The following PRKG2 variants were observed in gnomAD, a reference collection of about 807,000 sequenced individuals.
PRKG2 encodes cGMP-dependent protein kinase 2.
Under a neutral mutation model 97.2 loss-of-function variants are expected in PRKG2, and 33 were observed. That is an observed-to-expected ratio of 0.34 (90% confidence interval 0.26 to 0.45). The LOEUF (loss-of-function observed/expected upper bound fraction) is 0.45, where lower values mean the gene tolerates loss of function less well. PRKG2 is among the 20% of genes least tolerant of loss of function. The probability of loss-of-function intolerance (pLI) is 1.00; values close to 1 mark genes in which losing one functional copy is unlikely to be tolerated. For synonymous variants in PRKG2, 330 were observed against 321.8 expected, an observed-to-expected ratio of 1.03 and a Z score of -0.27; for missense variants, 638 against 900.0, an observed-to-expected ratio of 0.71 and a Z score of 3.73.
chr4:81,143,060 T>A, intron 10 of PRKG2, 113 bp from the exon 11 acceptor site: 1 of 1,339,602 alleles, frequency 7.5e-7, no homozygotes. Flanking sequence ...CTATGATTTA[T>A]AGTTGCCACA....
intron 2 of PRKG2, among the ~76,000 whole-genome samples, chr4:81,176,496 T>C (rs1750942562): frequency 6.6e-6 from 1 of 152,182 alleles, no homozygotes; most frequent in African/African-American, 2.4e-5. Flanking sequence ...CTTTGCTAGG[T>C]AATTCTCTTA....
At chr4:81,101,219 T>C (rs2109961381) in intron 17 of PRKG2, among the ~76,000 whole-genome samples, 1 of 152,170 alleles carries the variant, frequency 6.6e-6, no homozygotes, top group South Asian at 2.1e-4. Flanking sequence ...TTACTGGGTA[T>C]ATACCCAAAG....
At chr4:81,209,395 G>T (rs2120301) in intron 1 of PRKG2, among the ~76,000 whole-genome samples, 26,473 of 151,928 alleles carry the variant, frequency 0.17, 2,751 homozygotes, top group Non-Finnish European at 0.22. Flanking sequence ...CACATATATA[G>T]ATGTGTGTGT....
chr4:81,150,366 A>C (rs987535227), intron 8 of PRKG2, among the ~76,000 whole-genome samples: 12 of 152,178 alleles, frequency 7.9e-5, no homozygotes, highest in Non-Finnish European at 1.0e-4. Flanking sequence ...TTTGCACATA[A>C]AATTCTGAAA....
chr4:81,159,033 T>C (rs922345931), intron 6 of PRKG2, among the ~76,000 whole-genome samples: 1 of 151,974 alleles, frequency 6.6e-6, no homozygotes, highest in African/African-American at 2.4e-5. Context: ...GCATTACCAT[T>C]CGGGACATAG....
chr4:81,200,492 A>G (rs1014480472), intron 2 of PRKG2, among the ~76,000 whole-genome samples: 2 of 152,138 alleles, frequency 1.3e-5, no homozygotes, highest in African/African-American at 4.8e-5. Flanking sequence ...CTATCAATCA[A>G]TGGGGCACAC....
intron 6 of PRKG2, among the ~76,000 whole-genome samples, chr4:81,161,816 G>A (rs916839128): frequency 6.6e-6 from 1 of 151,964 alleles, no homozygotes; most frequent in African/African-American, 2.4e-5. Flanking sequence ...CATTCACCTA[G>A]CCAATTAATG....
At chr4:81,154,999 C>T (rs1174814929) in intron 6 of PRKG2, among the ~76,000 whole-genome samples, 1 of 151,696 alleles carries the variant, frequency 6.6e-6, no homozygotes, top group African/African-American at 2.4e-5. Flanking sequence ...ACGGTGAAAC[C>T]CCGTCTCTAC....
intron 6 of PRKG2, among the ~76,000 whole-genome samples, chr4:81,158,707 G>A (rs988880923): frequency 6.6e-6 from 1 of 152,090 alleles, no homozygotes; most frequent in African/African-American, 2.4e-5. Flanking sequence ...ATACTACAAG[G>A]CTATAGTAAC....
chr4:81,149,632 C>T (rs919023624), intron 8 of PRKG2, among the ~76,000 whole-genome samples: 1 of 151,952 alleles, frequency 6.6e-6, no homozygotes, highest in African/African-American at 2.4e-5. Context: ...CTAATGAATG[C>T]CAGTGGGTAT....
intron 8 of PRKG2, 150 bp downstream of exon 8, chr4:81,151,809 AT>A (rs1748429997): frequency 3.2e-6 from 2 of 620,206 alleles, no homozygotes; most frequent in African/African-American, 3.8e-5. Flanking sequence ...CATTTCCCGC[AT>A]AAAAATTTAA....
intron 13 of PRKG2, among the ~76,000 whole-genome samples, chr4:81,136,953 T>C (rs978509586): frequency 2.0e-5 from 3 of 152,158 alleles, no homozygotes; most frequent in African/African-American, 7.2e-5. Flanking sequence ...TTAGTAAATA[T>C]CTATGATTTT....
At position 81,167,218 on chromosome 4, in the gene PRKG2, G is replaced by A; in HGVS notation, c.855C>T (p.Ser285=). The change falls in exon 6 of 19, where the codon TCC becomes TCT. Residue 285 remains serine (S), a synonymous_variant. Coordinates refer to ENST00000264399, the MANE Select transcript of PRKG2 (RefSeq NM_006259.3). ...TATCTTCAGGTAAATTCTTCAGCAA[G>A]GATACACTTCAAAATTAAAAAGAAA... ...EQYRNFLRSV[S]LLKNLPEDKL... 6.3e-7 allele frequency: 1 copy of A among 1,585,610 alleles called. No individual in the cohort carries two copies. Among genetic ancestry groups the A allele is most frequent in the East Asian group, 2.3e-5 (1 of 44,338 alleles).
intron 17 of PRKG2, among the ~76,000 whole-genome samples, chr4:81,098,367 T>A (rs1742343197): frequency 6.6e-6 from 1 of 152,124 alleles, no homozygotes; most frequent in Non-Finnish European, 1.5e-5. Flanking sequence ...GTTCTATACC[T>A]CTATAGAACC....
At chr4:81,140,463 A>G in intron 12 of PRKG2, 70 bp downstream of exon 12, 1 of 1,306,582 alleles carries the variant, frequency 7.7e-7, no homozygotes, top group Non-Finnish European at 1.0e-6. Flanking sequence ...AAAAATAAAA[A>G]TAATTTAAGT....
intron 12 of PRKG2, among the ~76,000 whole-genome samples, chr4:81,137,752 T>G (rs867270967): frequency 7.2e-5 from 11 of 152,218 alleles, no homozygotes; most frequent in South Asian, 2.1e-4. Flanking sequence ...TATCCATTCT[T>G]CAGGGCCAAC....
At chr4:81,154,048 C>T in intron 6 of PRKG2, 1 of 172,028 alleles carries the variant, frequency 5.8e-6, no homozygotes, top group South Asian at 1.1e-4. Flanking sequence ...CCGAATATCG[C>T]GCTTTTGGGA....
At chr4:81,159,779 A>G (rs1471659459) in intron 6 of PRKG2, among the ~76,000 whole-genome samples, 5 of 152,008 alleles carry the variant, frequency 3.3e-5, no homozygotes, top group African/African-American at 1.2e-4. Flanking sequence ...CTATGCAGCC[A>G]TAAAAAATGA....
At chr4:81,183,868 A>T (rs779392104) in intron 2 of PRKG2, among the ~76,000 whole-genome samples, 130 of 152,204 alleles carry the variant, frequency 8.5e-4, no homozygotes, top group Non-Finnish European at 1.4e-3. Flanking sequence ...AGTGAAAACA[A>T]AGCTGCAGGG....
Sources: gnomAD v4.1 joint callset for allele counts (sites outside exome capture counted in the v4.1 genomes callset) on GRCh38, gnomAD v4.1.1 for gene constraint, MANE v1.5 for transcripts, NCBI Gene and HGNC (gene_info 2026-07-23, HGNC 2026-07-21) for gene names.